The following PAQR3 variants were observed in gnomAD, a reference collection of about 807,000 sequenced individuals.
The protein encoded by PAQR3 is Raf kinase trapping to Golgi.
Under a neutral mutation model 41.7 loss-of-function variants are expected in PAQR3, and 39 were observed. The ratio of observed to expected loss-of-function variants is 0.93; its 90% CI spans 0.72 to 1.22. The LOEUF is 1.22. Ranked by LOEUF, PAQR3 falls within the 50% of genes most tolerant of loss-of-function variation. PAQR3 has a pLI of 0.00. For synonymous variants in PAQR3, 140 were observed against 140.6 expected, an observed-to-expected ratio of 1.00 and a Z score of 0.03; for missense variants, 366 against 385.6, an observed-to-expected ratio of 0.95 and a Z score of 0.42.
At chr4:78,892,768 G>A (rs978363785) in intron 11 of PAQR3, among the ~76,000 whole-genome samples, 3 of 152,110 alleles carry the variant, frequency 2.0e-5, no homozygotes, top group African/African-American at 7.2e-5. Context: ...GCTGTAATCT[G>A]TTAAGTATGC....
At chr4:78,909,499 T>C (rs1244342135), downstream of PAQR3, among the ~76,000 whole-genome samples, 1 of 152,190 alleles carries the variant, frequency 6.6e-6, no homozygotes, top group African/African-American at 2.4e-5. Context: ...GTCTGGCCTT[T>C]TCCAGTCTTC....
At chr4:78,928,597 C>T (rs1306753878) in intron 3 of PAQR3, among the ~76,000 whole-genome samples, 1 of 152,186 alleles carries the variant, frequency 6.6e-6, no homozygotes, top group Non-Finnish European at 1.5e-5. Context: ...AGAAATTCTA[C>T]ACTGCGGCCG....
intron 1 of PAQR3, 85 bp downstream of exon 1, chr4:78,938,955 A>G: frequency 1.5e-6 from 2 of 1,313,862 alleles, no homozygotes; most frequent in Non-Finnish European, 2.1e-6. Flanking sequence ...GCAAGCAGAA[A>G]GGCGGGGAAA....
intron 11 of PAQR3, among the ~76,000 whole-genome samples, chr4:78,898,318 T>C (rs915696722): frequency 6.6e-6 from 1 of 152,050 alleles, no homozygotes; most frequent in Non-Finnish European, 1.5e-5. Flanking sequence ...AACATAACAT[T>C]TACAGATTGT....
downstream of PAQR3, chr4:78,911,128 G>A (rs1187395723): frequency 6.2e-7 from 1 of 1,613,848 alleles, no homozygotes; most frequent in African/African-American, 1.3e-5. Flanking sequence ...ATTTGGCGCT[G>A]TCCCCTTCTT....
chr4:78,909,055 C>CTTTTTTTTT (rs1053664659), downstream of PAQR3, among the ~76,000 whole-genome samples: 5 of 94,408 alleles, frequency 5.3e-5, no homozygotes, highest in Non-Finnish European at 5.9e-5. Context: ...TTCCCTTAGT[C>CTTTTTTTTT]TTTTTTTTTT....
chr4:78,936,992 A>T (rs1254358865), intron 1 of PAQR3, among the ~76,000 whole-genome samples: 1 of 152,034 alleles, frequency 6.6e-6, no homozygotes, highest in Non-Finnish European at 1.5e-5. Context: ...TAAAGAATCT[A>T]CTCTTACTGT....
chr4:78,897,415 A>G (rs1733759280), intron 11 of PAQR3, among the ~76,000 whole-genome samples: 1 of 152,098 alleles, frequency 6.6e-6, no homozygotes, highest in South Asian at 2.1e-4. Flanking sequence ...ATTATGTAGC[A>G]ATGTACAAAT....
chr4:78,923,559 T>C (rs1374339319), intron 5 of PAQR3: 8 of 376,476 alleles, frequency 2.1e-5, no homozygotes, highest in Admixed American at 8.9e-5. Flanking sequence ...GACGGTGTTC[T>C]ACTTTTTAAA....
chr4:78,918,452 T>C lies in PAQR3; in HGVS notation c.*2087A>G, dbSNP rs1425584812. ...TCCATATTCATTCATTCATTCCCTA[T>C]TTTATAATAAATATATCATAGCAGT... On this transcript the variant is annotated 3_prime_UTR_variant, in exon 6 of 6. Coordinates refer to ENST00000512733, the MANE Select transcript of PAQR3 (RefSeq NM_001040202.2). 2 of 968,412 alleles carry C rather than the reference T, an allele frequency of 2.1e-6. No homozygotes were observed. Among genetic ancestry groups the C allele is most frequent in the East Asian group, 2.3e-4 (2 of 8,746 alleles). 60.0% of individuals were successfully genotyped at this position (968,412 alleles called of 1,614,324 possible).
intron 11 of PAQR3, among the ~76,000 whole-genome samples, chr4:78,900,142 C>G (rs760306137): frequency 6.6e-6 from 1 of 152,152 alleles, no homozygotes; most frequent in Non-Finnish European, 1.5e-5. Context: ...AATGTGAAGA[C>G]GATGAGGATG....
At chr4:78,932,722 A>G (rs886956346) in intron 2 of PAQR3, among the ~76,000 whole-genome samples, 2 of 152,188 alleles carry the variant, frequency 1.3e-5, no homozygotes, top group Non-Finnish European at 2.9e-5. Flanking sequence ...AAATAAAAAG[A>G]GGAAAAAAAG....
In PAQR3 at chr4:78,916,974, A is replaced by G. The variant is rs1578000344; in HGVS notation, c.*3565T>C. ...TTTTCTGAAGTTGTAACATTTATCTAAAGTTATGTGAAAAAAAGGGGCTTT... is the reference window on the plus strand; with the variant it reads ...TTTTCTGAAGTTGTAACATTTATCTGAAGTTATGTGAAAAAAAGGGGCTTT... On this transcript the variant is annotated 3_prime_UTR_variant, in exon 6 of 6. Coordinates refer to ENST00000512733, the MANE Select transcript of PAQR3 (RefSeq NM_001040202.2). 1 of 150,844 alleles carries G rather than the reference A, an allele frequency of 6.6e-6. No homozygotes were observed. 9.3% of individuals were successfully genotyped at this position (150,844 alleles called of 1,614,324 possible).
intron 11 of PAQR3, among the ~76,000 whole-genome samples, chr4:78,897,438 TAATTG>T (rs200453546): frequency 0.026 from 4,018 of 152,210 alleles, 174 homozygotes; most frequent in African/African-American, 0.091. Context: ...GTCTCTGCTA[TAATTG>T]AATTAAAAAT....
At position 78,915,653 on chromosome 4, in the gene PAQR3, C is replaced by T. The variant is rs998212067; in HGVS notation, c.*4886G>A. On this transcript the variant is annotated 3_prime_UTR_variant, in exon 6 of 6. Coordinates refer to ENST00000512733, the MANE Select transcript of PAQR3 (RefSeq NM_001040202.2). ...AAAATATGTACACACATGCATGTCA[C>T]ATCTCTCTACTGTGGAGTTAATGTG... 4.0e-5 allele frequency: 6 copies of T among 151,824 alleles called. No individual in the cohort carries two copies. Among genetic ancestry groups the T allele is most frequent in the Non-Finnish European group, 5.9e-5 (4 of 67,872 alleles). The allele number at this position is 151,824 out of a possible 1,614,324, so 9.4% of individuals were successfully genotyped here.
rs115241558 is a variant in PAQR3, at chr4:78,897,216, T to C, written c.*836+8892A>G. Among the ~76,000 whole-genome samples, 1,229 of 152,160 alleles carry C rather than the reference T, an allele frequency of 8.1e-3. 26 individuals carry two copies. Among genetic ancestry groups the C allele is most frequent in the African/African-American group, 0.028 (1,180 of 41,520 alleles). On this transcript the variant is annotated intron_variant and NMD_transcript_variant, in intron 11 of 12. Transcript: ENST00000342820. Reference sequence around the variant, plus strand: ...TTTTGATTTTTTTAAGCCTTATTTCTGGGAACTTACCTTAAGAAAATAACA... The same window carrying C: ...TTTTGATTTTTTTAAGCCTTATTTCCGGGAACTTACCTTAAGAAAATAACA...
chr4:78,911,066 C>G (rs1283675224), downstream of PAQR3: 1 of 1,613,964 alleles, frequency 6.2e-7, no homozygotes, highest in South Asian at 1.1e-5. Flanking sequence ...CTCACCTCAG[C>G]CCAATTATCC....
chr4:78,902,673 C>T (rs17003486), intron 11 of PAQR3, among the ~76,000 whole-genome samples: 11,296 of 152,042 alleles, frequency 0.074, 1,273 homozygotes, highest in African/African-American at 0.25. Flanking sequence ...AACAAAATTT[C>T]CCTGACACTG....
Position 78,918,464 on chromosome 4 carries a change from T to C in PAQR3, c.*2075A>G. On this transcript the variant is annotated 3_prime_UTR_variant, in exon 6 of 6. Transcript: ENST00000512733. ...CATTCATTCCCTATTTTATAATAAA[T>C]ATATCATAGCAGTGAAAAAATGAGA... is the stretch of plus-strand genomic sequence containing the variant. 1 of 962,864 alleles carries C rather than the reference T, an allele frequency of 1.0e-6. No homozygotes were observed. Among genetic ancestry groups the C allele is most frequent in the Non-Finnish European group, 1.2e-6 (1 of 809,232 alleles). 59.6% of individuals were successfully genotyped at this position (962,864 alleles called of 1,614,324 possible). A position where few individuals can be genotyped will look rare whatever the true frequency, so the allele number is the denominator to read the frequency against.
Sources: allele counts gnomAD v4.1 joint callset (sites outside exome capture counted in the v4.1 genomes callset), GRCh38; gene constraint gnomAD v4.1.1; transcripts MANE v1.5; gene names NCBI Gene and HGNC (gene_info 2026-07-23, HGNC 2026-07-21).